The following MYT1L variants were observed in gnomAD, a reference collection of about 807,000 sequenced individuals.
MYT1L encodes myelin transcription factor 1-like protein.
A neutral mutation model predicts 126.7 loss-of-function variants in MYT1L; 12 were observed. That is an observed-to-expected ratio of 0.09 (90% confidence interval 0.06 to 0.15). MYT1L has a LOEUF of 0.15. MYT1L is among the 10% of genes least tolerant of loss of function. The pLI, the probability that MYT1L is intolerant of heterozygous loss-of-function variation, is 1.00. For missense variants in MYT1L, 979 were observed against 1,585.2 expected, an observed-to-expected ratio of 0.62 and a Z score of 6.49; for synonymous variants, 541 against 604.2, an observed-to-expected ratio of 0.90 and a Z score of 1.53.
chr2:1,943,034 ATCC>A lies in MYT1L; in HGVS notation c.450_452del (p.Glu150del), dbSNP rs755416916. 3 of 1,491,772 alleles carry A rather than the reference ATCC, an allele frequency of 2.0e-6. No individual in the cohort carries two copies. Among genetic ancestry groups the A allele is most frequent in the Non-Finnish European group, 2.7e-6 (3 of 1,096,058 alleles). 92.4% of individuals were successfully genotyped at this position (1,491,772 alleles called of 1,614,324 possible). On this transcript the variant is annotated inframe_deletion, in exon 9 of 25. Coordinates refer to ENST00000647738, the MANE Select transcript of MYT1L (RefSeq NM_001303052.2). The surrounding 1 kb of genome is among the most constrained non-coding windows in gnomAD (Gnocchi z 4.4). Reference sequence around the variant, plus strand: ...CCTCCTCCTCCTCTTCCTCTTCTTCATCCTCCACATCTTCTCCATCCTCGTCAT... The same window carrying A: ...CCTCCTCCTCCTCTTCCTCTTCTTCATCCACATCTTCTCCATCCTCGTCAT...
At chr2:1,913,052 G>A (rs910001723) in intron 11 of MYT1L, among the ~76,000 whole-genome samples, 8 of 152,222 alleles carry the variant, frequency 5.3e-5, no homozygotes, top group African/African-American at 1.9e-4. Flanking sequence ...TTTACCTGAG[G>A]CCAGGTGAAC....
intron 2 of MYT1L, among the ~76,000 whole-genome samples, chr2:2,226,211 T>C (rs1446685051): frequency 6.6e-6 from 1 of 152,206 alleles, no homozygotes; most frequent in Admixed American, 6.5e-5. Flanking sequence ...GTCCTAGTTG[T>C]GCGGCCTGCC....
At chr2:1,994,493 T>C (rs2061680778) in intron 5 of MYT1L, among the ~76,000 whole-genome samples, 1 of 152,164 alleles carries the variant, frequency 6.6e-6, no homozygotes, top group South Asian at 2.1e-4. Context: ...CCCTGGGCCG[T>C]GCTGTCTCCT....
chr2:1,915,660 G>A (rs889044677), intron 11 of MYT1L, among the ~76,000 whole-genome samples: 4 of 152,198 alleles, frequency 2.6e-5, no homozygotes, highest in African/African-American at 4.8e-5. Flanking sequence ...GTGTCACATC[G>A]TGTGTTCAGA....
chr2:2,232,019 A>G (rs1166351177), intron 2 of MYT1L, among the ~76,000 whole-genome samples: 2 of 152,252 alleles, frequency 1.3e-5, no homozygotes, highest in Non-Finnish European at 2.9e-5. Context: ...AAACCACTTA[A>G]CAATAAAGGA....
chr2:2,260,649 G>A (rs1196926551), intron 2 of MYT1L, among the ~76,000 whole-genome samples: 2 of 150,050 alleles, frequency 1.3e-5, no homozygotes, highest in African/African-American at 2.5e-5. Flanking sequence ...TTACTTTGCT[G>A]GTGAATTATT....
intron 3 of MYT1L, among the ~76,000 whole-genome samples, chr2:2,078,040 G>A (rs773513602): frequency 2.0e-4 from 30 of 152,114 alleles, no homozygotes; most frequent in Non-Finnish European, 3.2e-4. Context: ...GCAATAATAG[G>A]ACAAAATTGG....
chr2:2,218,876 A>T (rs1582413), intron 2 of MYT1L, among the ~76,000 whole-genome samples: 46,822 of 151,994 alleles, frequency 0.31, 7,653 homozygotes, highest in African/African-American at 0.42. Flanking sequence ...GGCATGTGGG[A>T]TGGGTTCCCA....
At chr2:1,948,188 A>G (rs1156877109) in intron 8 of MYT1L, among the ~76,000 whole-genome samples, 2 of 152,064 alleles carry the variant, frequency 1.3e-5, no homozygotes, top group Non-Finnish European at 2.9e-5. Context: ...CTATCCCTAC[A>G]TTTTGCAAGC....
At chr2:2,045,871 C>G (rs2068119275) in intron 4 of MYT1L, among the ~76,000 whole-genome samples, 1 of 152,156 alleles carries the variant, frequency 6.6e-6, no homozygotes, top group African/African-American at 2.4e-5. Context: ...TGATATGGCT[C>G]TAACCCTCCC....
At chr2:2,112,504 G>A (rs1575241490) in intron 3 of MYT1L, among the ~76,000 whole-genome samples, 2 of 152,198 alleles carry the variant, frequency 1.3e-5, no homozygotes, top group South Asian at 2.1e-4. Context: ...TGCACACGAT[G>A]CAGTGTGTGG....
intron 3 of MYT1L, among the ~76,000 whole-genome samples, chr2:2,075,314 G>A (rs2075092069): frequency 6.6e-6 from 1 of 152,150 alleles, no homozygotes; most frequent in South Asian, 2.1e-4. Flanking sequence ...TTGAAAATTT[G>A]ATGAAGCTAT....
At chr2:2,132,819 A>G (rs2082554438) in intron 3 of MYT1L, among the ~76,000 whole-genome samples, 2 of 152,186 alleles carry the variant, frequency 1.3e-5, no homozygotes, top group Non-Finnish European at 2.9e-5. Flanking sequence ...GAAATATATG[A>G]ACTAAAAAAT....
At position 1,793,462 on chromosome 2, in the gene MYT1L, T is replaced by C. The variant is rs569720271; in HGVS notation, c.3277-998A>G. Among the ~76,000 whole-genome samples the C allele has an allele frequency of 6.6e-5, 10 of 152,226 alleles. No homozygotes were observed. The South Asian group carries it at 2.1e-3, about 32-fold the overall frequency. ...CTGGCTTGCCTGGCCTGCCCGCTCC[T>C]CTCCTTCCCTGACGTGTCATTCCTA... On this transcript the variant is annotated intron_variant, in intron 23 of 24. Coordinates refer to ENST00000647738, the MANE Select transcript of MYT1L (RefSeq NM_001303052.2). The surrounding 1 kb of genome is among the most constrained non-coding windows in gnomAD (Gnocchi z 4.6).
chr2:1,838,047 G>A (rs1168260407), intron 21 of MYT1L, among the ~76,000 whole-genome samples: 1 of 152,046 alleles, frequency 6.6e-6, no homozygotes, highest in Admixed American at 6.5e-5. Context: ...GAGTAGCTGG[G>A]ATTACAGGCG....
At chr2:1,923,489 A>G (rs1199733619) in intron 9 of MYT1L, among the ~76,000 whole-genome samples, 2 of 152,230 alleles carry the variant, frequency 1.3e-5, no homozygotes, top group Admixed American at 6.5e-5. Flanking sequence ...GTGAATTATT[A>G]ATTTCTTTAA....
intron 9 of MYT1L, among the ~76,000 whole-genome samples, chr2:1,933,862 G>T (rs2055356336): frequency 6.6e-6 from 1 of 151,884 alleles, no homozygotes. Flanking sequence ...CAGTTGTAAT[G>T]AATTTAACTT....
At chr2:1,995,081 G>T (rs2061720447) in intron 5 of MYT1L, among the ~76,000 whole-genome samples, 2 of 151,708 alleles carry the variant, frequency 1.3e-5, no homozygotes, top group African/African-American at 4.8e-5. Context: ...TATTAAATGG[G>T]AAACATGAAG....
intron 3 of MYT1L, among the ~76,000 whole-genome samples, chr2:2,087,314 T>C (rs1204463714): frequency 6.6e-6 from 1 of 152,234 alleles, no homozygotes; most frequent in African/African-American, 2.4e-5. Context: ...TTCATGTGCA[T>C]GTTTTACAAA....
Sources: gnomAD v4.1 joint callset for allele counts (sites outside exome capture counted in the v4.1 genomes callset) on GRCh38, gnomAD v4.1.1 for gene constraint, Gnocchi (gnomAD v3.1) non-coding constraint, MANE v1.5 for transcripts, NCBI Gene and HGNC (gene_info 2026-07-23, HGNC 2026-07-21) for gene names.